The following RAB31 variants were observed in gnomAD, a reference collection of about 807,000 sequenced individuals.
RAB31 encodes RAB31, member RAS oncogene family, also known as ras-related protein Rab-31.
A neutral mutation model predicts 25.6 loss-of-function variants in RAB31; 21 were observed. That is an observed-to-expected ratio of 0.82 (90% CI 0.58 to 1.18). The LOEUF is 1.18. RAB31 is among the 50% of genes most tolerant of loss of function. The probability of loss-of-function intolerance (pLI) is 0.00; values close to 1 mark genes in which losing one functional copy is unlikely to be tolerated. For missense variants in RAB31, 196 were observed against 250.1 expected, an observed-to-expected ratio of 0.78 and a Z score of 1.46; for synonymous variants, 87 against 84.0, an observed-to-expected ratio of 1.04 and a Z score of -0.20.
intron 3 of RAB31, among the ~76,000 whole-genome samples, chr18:9,813,241 C>T (rs541196990): frequency 3.9e-5 from 6 of 152,234 alleles, no homozygotes; most frequent in Admixed American, 6.5e-5. Context: ...CCTCCAGACC[C>T]GAGGCAGCTG....
intron 5 of RAB31, among the ~76,000 whole-genome samples, chr18:9,839,098 G>C (rs915252530): frequency 6.6e-6 from 1 of 152,200 alleles, no homozygotes; most frequent in African/African-American, 2.4e-5. Context: ...TCCACAGCCT[G>C]TTTGAACAGA....
At chr18:9,801,521 T>A (rs1250486130) in intron 3 of RAB31, among the ~76,000 whole-genome samples, 2 of 152,144 alleles carry the variant, frequency 1.3e-5, no homozygotes, top group Non-Finnish European at 2.9e-5. Context: ...CCTCAGGTGA[T>A]CCACCGGCCT....
intron 1 of RAB31, among the ~76,000 whole-genome samples, chr18:9,772,041 C>G (rs1022636563): frequency 6.6e-6 from 1 of 152,198 alleles, no homozygotes; most frequent in African/African-American, 2.4e-5. Flanking sequence ...ATGAGTAAAG[C>G]TGAACATTGA....
chr18:9,852,620 A>G (rs751811951), intron 6 of RAB31, among the ~76,000 whole-genome samples: 1 of 150,848 alleles, frequency 6.6e-6, no homozygotes, highest in Non-Finnish European at 1.5e-5. Context: ...ATAGTATTCC[A>G]TTGCATGCAT....
intron 1 of RAB31, among the ~76,000 whole-genome samples, chr18:9,726,452 A>G (rs2068096575): frequency 6.6e-6 from 1 of 152,134 alleles, no homozygotes; most frequent in African/African-American, 2.4e-5. Context: ...CACTTTTCTC[A>G]TTGCAAAATA....
chr18:9,731,466 T>A (rs1362056590), intron 1 of RAB31, among the ~76,000 whole-genome samples: 1 of 152,244 alleles, frequency 6.6e-6, no homozygotes, highest in Non-Finnish European at 1.5e-5. Flanking sequence ...TCATCCATGC[T>A]GGCTTTGCCA....
chr18:9,825,307 A>G (rs117808622), intron 5 of RAB31, among the ~76,000 whole-genome samples: 2,531 of 152,314 alleles, frequency 0.017, 24 homozygotes, highest in Non-Finnish European at 0.025. Context: ...AGGACAGCAG[A>G]TTGGCCTAGG....
At chr18:9,796,564 A>C (rs2068487961) in intron 3 of RAB31, among the ~76,000 whole-genome samples, 2 of 152,114 alleles carry the variant, frequency 1.3e-5, no homozygotes, top group Admixed American at 6.6e-5. Flanking sequence ...CTTTTACCCA[A>C]ATTAAGTATT....
intron 5 of RAB31, among the ~76,000 whole-genome samples, chr18:9,842,880 T>A (rs2143130253): frequency 6.6e-6 from 1 of 152,354 alleles, no homozygotes; most frequent in East Asian, 1.9e-4. Context: ...CCTCTAGCCA[T>A]GGAAGGAGTC....
At chr18:9,713,460 G>A (rs902587666) in intron 1 of RAB31, among the ~76,000 whole-genome samples, 1 of 152,054 alleles carries the variant, frequency 6.6e-6, no homozygotes, top group Non-Finnish European at 1.5e-5. Context: ...ATGATATAGT[G>A]GGCTATCTTC....
intron 1 of RAB31, among the ~76,000 whole-genome samples, chr18:9,741,803 T>C (rs1447924224): frequency 6.6e-6 from 1 of 152,208 alleles, no homozygotes; most frequent in East Asian, 1.9e-4. Context: ...AGATTTCATT[T>C]GGAAATGCTC....
intron 1 of RAB31, among the ~76,000 whole-genome samples, chr18:9,742,335 C>T (rs746225315): frequency 6.6e-5 from 10 of 152,162 alleles, no homozygotes; most frequent in Non-Finnish European, 1.3e-4. Flanking sequence ...CAGGGAAGTT[C>T]CTGGCAGGAA....
intron 5 of RAB31, among the ~76,000 whole-genome samples, chr18:9,840,104 G>C (rs1472354501): frequency 6.6e-6 from 1 of 152,180 alleles, no homozygotes; most frequent in Non-Finnish European, 1.5e-5. Context: ...TGACATTGAT[G>C]GGCCACGCAG....
At chr18:9,813,943 T>G in intron 3 of RAB31, 77 bp from the exon 4 acceptor site, 5 of 1,000,408 alleles carry the variant, frequency 5.0e-6, no homozygotes, top group Non-Finnish European at 7.7e-6. Context: ...TGATGTAGGA[T>G]AAAACGTTTA....
At chr18:9,805,797 T>C (rs2068537530) in intron 3 of RAB31, among the ~76,000 whole-genome samples, 1 of 152,236 alleles carries the variant, frequency 6.6e-6, no homozygotes, top group Non-Finnish European at 1.5e-5. Flanking sequence ...AAGCAACGTT[T>C]CATTTCAGAG....
intron 1 of RAB31, among the ~76,000 whole-genome samples, chr18:9,710,696 T>C (rs1302879804): frequency 1.3e-5 from 2 of 151,692 alleles, no homozygotes; most frequent in East Asian, 3.9e-4. Flanking sequence ...CTATTAAAAA[T>C]ACAAAAAAAA....
chr18:9,739,326 G>C (rs2068165941), intron 1 of RAB31, among the ~76,000 whole-genome samples: 1 of 152,102 alleles, frequency 6.6e-6, no homozygotes, highest in Admixed American at 6.5e-5. Flanking sequence ...TAAAAAATTA[G>C]CTGGGTGTGG....
chr18:9,746,808 G>A (rs1180575232), intron 1 of RAB31, among the ~76,000 whole-genome samples: 1 of 152,200 alleles, frequency 6.6e-6, no homozygotes. Flanking sequence ...AGCTAAGTCT[G>A]TAAAACTTCT....
At chr18:9,730,992 T>C (rs1203544243) in intron 1 of RAB31, among the ~76,000 whole-genome samples, 3 of 152,370 alleles carry the variant, frequency 2.0e-5, no homozygotes, top group African/African-American at 7.2e-5. Flanking sequence ...GAGAGTTCCA[T>C]GTGAGCCTCA....
Sources: gnomAD v4.1 joint callset for allele counts (sites outside exome capture counted in the v4.1 genomes callset) on GRCh38, gnomAD v4.1.1 for gene constraint, MANE v1.5 for transcripts, NCBI Gene and HGNC (gene_info 2026-07-23, HGNC 2026-07-21) for gene names.